MARCHF8: variants seen among roughly 807,000 people sequenced by gnomAD.
MARCHF8 encodes E3 ubiquitin-protein ligase MARCHF8.
Under a neutral mutation model 51.6 loss-of-function variants are expected in MARCHF8, and 40 were observed. The observed-to-expected ratio is 0.77, with a 90% CI of 0.60 to 1.01. MARCHF8 has a LOEUF of 1.01. MARCHF8 is among the 50% of genes least tolerant of loss of function. The pLI, the probability that MARCHF8 is intolerant of heterozygous loss-of-function variation, is 0.00. For missense variants in MARCHF8, 685 were observed against 708.6 expected (o/e 0.97, Z 0.38); for synonymous variants, 263 against 280.3 (o/e 0.94, Z 0.62).
At chr10:45,556,772 G>A (rs778775569) in intron 1 of MARCHF8, among the ~76,000 whole-genome samples, 9 of 152,130 alleles carry the variant, frequency 5.9e-5, no homozygotes, top group African/African-American at 9.7e-5. Flanking sequence ...TTAAATGAAC[G>A]AATTCTGTTT....
rs1336902055 is a variant in MARCHF8, at chr10:45,544,544, G to GA, written c.-78-11256dup. ...TGAAATTCTATTCAGCAATTAAAAG[G>GA]AAAAAACCAATCATATACACTACAA... On this transcript the variant is annotated intron_variant, in intron 1 of 6. Transcript: ENST00000319836. Among the ~76,000 whole-genome samples the GA allele has an allele frequency of 2.0e-4, 30 of 152,164 alleles. No individual in the cohort carries two copies. In the Middle Eastern group the frequency reaches 0.01, roughly 52 times the overall value.
intron 2 of MARCHF8, among the ~76,000 whole-genome samples, chr10:45,513,406 AATG>A (rs1283264088): frequency 1.3e-5 from 2 of 152,100 alleles, no homozygotes; most frequent in African/African-American, 4.8e-5. Flanking sequence ...AGCCCCTGCG[AATG>A]ATGAGTGAAC....
intron 2 of MARCHF8, among the ~76,000 whole-genome samples, chr10:45,517,592 C>T (rs1264481930): frequency 6.6e-6 from 1 of 152,192 alleles, no homozygotes; most frequent in Non-Finnish European, 1.5e-5. Context: ...AAGGCCTCAC[C>T]AGAAGCTGAA....
At chr10:45,548,426 A>G (rs2044153475) in intron 1 of MARCHF8, among the ~76,000 whole-genome samples, 1 of 152,136 alleles carries the variant, frequency 6.6e-6, no homozygotes, top group South Asian at 2.1e-4. Context: ...ACCTCAGTAC[A>G]ACCACCGGGG....
chr10:45,455,724 G>A lies in MARCHF8; in HGVS notation c.*2515C>T, dbSNP rs767919975. 1 of 152,330 alleles carries A rather than the reference G, an allele frequency of 6.6e-6. No individual in the cohort carries two copies. Among genetic ancestry groups the A allele is most frequent in the Non-Finnish European group, 1.5e-5 (1 of 68,154 alleles). The allele number at this position is 152,330 out of a possible 1,614,324, so 9.4% of individuals were successfully genotyped here. On this transcript the variant is annotated 3_prime_UTR_variant, in exon 8 of 8. Transcript: ENST00000453424. ...GGGCTAGAAGGGTCTGATGAATCAG[G>A]AGCTGAACTAGAACCTTCAAGAAAA...
At chr10:45,512,214 C>T (rs1044011783) in intron 2 of MARCHF8, among the ~76,000 whole-genome samples, 1 of 151,564 alleles carries the variant, frequency 6.6e-6, no homozygotes, top group African/African-American at 2.4e-5. Flanking sequence ...GCAACCGCCC[C>T]GTCTGAGAAG....
intron 3 of MARCHF8, among the ~76,000 whole-genome samples, chr10:45,472,898 T>C (rs1208655706): frequency 1.3e-5 from 2 of 152,236 alleles, no homozygotes; most frequent in Non-Finnish European, 2.9e-5. Context: ...ATTCATCCTT[T>C]GTTTTTGTCA....
intron 1 of MARCHF8, among the ~76,000 whole-genome samples, chr10:45,583,357 C>A (rs1255034618): frequency 6.6e-6 from 1 of 152,160 alleles, no homozygotes; most frequent in Non-Finnish European, 1.5e-5. Context: ...GGCAATTCCA[C>A]TTCTAGGGCT....
At chr10:45,578,662 C>T (rs1035049106) in intron 1 of MARCHF8, among the ~76,000 whole-genome samples, 2 of 152,178 alleles carry the variant, frequency 1.3e-5, no homozygotes, top group Non-Finnish European at 2.9e-5. Flanking sequence ...GTAGAGAAAT[C>T]TGGCAGATAC....
chr10:45,540,513 G>T (rs2044037428), intron 1 of MARCHF8, among the ~76,000 whole-genome samples: 1 of 152,142 alleles, frequency 6.6e-6, no homozygotes, highest in Admixed American at 6.5e-5. Flanking sequence ...CATGGGCAAG[G>T]ACTTCATGTC....
At chr10:45,537,470 T>C (rs906379751), upstream of MARCHF8, among the ~76,000 whole-genome samples, 3 of 151,698 alleles carry the variant, frequency 2.0e-5, no homozygotes, top group African/African-American at 7.3e-5. Context: ...CTGGGCAACA[T>C]GGCAAAACCA....
At chr10:45,523,422 G>A (rs1371272123) in intron 2 of MARCHF8, among the ~76,000 whole-genome samples, 2 of 152,178 alleles carry the variant, frequency 1.3e-5, no homozygotes, top group East Asian at 3.8e-4. Context: ...TATTCAGGAG[G>A]CTGGGATGGG....
intron 3 of MARCHF8, among the ~76,000 whole-genome samples, chr10:45,465,250 C>A (rs1564466116): frequency 6.6e-6 from 1 of 152,202 alleles, no homozygotes; most frequent in Non-Finnish European, 1.5e-5. Flanking sequence ...TTCTTCCCTC[C>A]TTAAGACAGT....
In MARCHF8 at chr10:45,461,231, T is replaced by C; in HGVS notation, c.1269A>G (p.Lys423=). The stretch of plus-strand genomic sequence containing the variant: ...TGAAGCATCCCTTCCTCCCACGTAC[T>C]TTTCTCAGTGGCTTCAGCTTGGTCT... The part of the protein sequence containing the change: ...IMETKLKPLR[K]WEKLQMTSSE... The change falls in exon 6 of 8, where the codon AAA becomes AAG. Residue 423 remains lysine (K), a splice_region_variant and synonymous_variant. Coordinates refer to ENST00000453424, the MANE Select transcript of MARCHF8 (RefSeq NM_001282866.2). 6.6e-7 allele frequency: 1 copy of C among 1,515,312 alleles called. No individual in the cohort carries two copies. The allele number at this position is 1,515,312 out of a possible 1,614,324, so 93.9% of individuals were successfully genotyped here. A position where few individuals can be genotyped will look rare whatever the true frequency, so the allele number is the denominator to read the frequency against.
chr10:45,499,087 T>A (rs1275176744), intron 2 of MARCHF8, among the ~76,000 whole-genome samples: 1 of 152,220 alleles, frequency 6.6e-6, no homozygotes, highest in Non-Finnish European at 1.5e-5. Context: ...CAATCAGCGT[T>A]CCACTTTGTT....
chr10:45,589,161 A>G (rs2044650587), intron 1 of MARCHF8, among the ~76,000 whole-genome samples: 1 of 152,154 alleles, frequency 6.6e-6, no homozygotes, highest in African/African-American at 2.4e-5. Context: ...GTTTAAAACA[A>G]TGGACATTTA....
At chr10:45,543,654 C>T (rs1409359231) in intron 1 of MARCHF8, among the ~76,000 whole-genome samples, 1 of 151,774 alleles carries the variant, frequency 6.6e-6, no homozygotes, top group Admixed American at 6.6e-5. Flanking sequence ...AAAAATTAGC[C>T]GGGCACGGTG....
chr10:45,582,390 T>C (rs530045671), intron 1 of MARCHF8, among the ~76,000 whole-genome samples: 1 of 152,330 alleles, frequency 6.6e-6, no homozygotes, highest in African/African-American at 2.4e-5. Context: ...CCATATTATC[T>C]TGTCTTTCTC....
chr10:45,459,409 C>T (rs1245656350), intron 6 of MARCHF8, 142 bp from the exon 7 acceptor site: 33 of 984,992 alleles, frequency 3.4e-5, no homozygotes, highest in Non-Finnish European at 4.2e-5. Context: ...GTATTGTTCT[C>T]CTAAAACCAC....
Sources: allele counts gnomAD v4.1 joint callset (sites outside exome capture counted in the v4.1 genomes callset), GRCh38; gene constraint gnomAD v4.1.1; transcripts MANE v1.5; gene names NCBI Gene and HGNC (gene_info 2026-07-23, HGNC 2026-07-21).